Variants in ZNF804A observed in about 807,000 individuals in gnomAD.
ZNF804A encodes zinc finger protein 804A.
In ZNF804A, 2 loss-of-function variants were observed where a neutral mutation model predicts 16.5. The observed-to-expected ratio is 0.12, with a 90% CI of 0.05 to 0.38. The LOEUF is 0.38. Ranked by LOEUF, ZNF804A falls within the 10% of genes least tolerant of loss-of-function variation. ZNF804A has a pLI of 0.99. For synonymous variants in ZNF804A, 534 were observed against 489.6 expected, an observed-to-expected ratio of 1.09 and a Z score of -1.20; for missense variants, 1,473 against 1,390.7, an observed-to-expected ratio of 1.06 and a Z score of -0.94.
intron 1 of ZNF804A, among the ~76,000 whole-genome samples, chr2:184,744,064 A>C (rs1388230283): frequency 6.6e-6 from 1 of 151,794 alleles, no homozygotes; most frequent in Non-Finnish European, 1.5e-5. Flanking sequence ...TAAAATAACC[A>C]CTTGTTAATG....
In ZNF804A at chr2:184,865,706, CTG is replaced by C. The variant is rs571861431; in HGVS notation, c.112-660_112-659del. ...TTGGTTATATCACTGTCTTTATTTACTGTGAGTATGATGAAAACAATCTGCTT... is the reference window on the plus strand; with the variant it reads ...TTGGTTATATCACTGTCTTTATTTACTGAGTATGATGAAAACAATCTGCTT... On this transcript the variant is annotated intron_variant, in intron 1 of 3. Coordinates refer to ENST00000302277, the MANE Select transcript of ZNF804A (RefSeq NM_194250.2). Among the ~76,000 whole-genome samples the C allele has an allele frequency of 4.1e-3, 627 of 152,178 alleles. 18 individuals are homozygous for C. Among genetic ancestry groups the C allele is most frequent in the Non-Finnish European group, 9.0e-4 (61 of 67,978 alleles).
chr2:184,768,926 C>T (rs1694170054), intron 1 of ZNF804A, among the ~76,000 whole-genome samples: 1 of 151,840 alleles, frequency 6.6e-6, no homozygotes, highest in African/African-American at 2.4e-5. Context: ...TCTTAATCAC[C>T]CTCTTTTAAC....
intron 1 of ZNF804A, among the ~76,000 whole-genome samples, chr2:184,807,759 T>C (rs991152034): frequency 4.0e-5 from 6 of 151,686 alleles, no homozygotes; most frequent in African/African-American, 9.7e-5. Flanking sequence ...ATGTGTATTG[T>C]TTATAATTAA....
In ZNF804A at chr2:184,898,254, A is replaced by G. The variant is rs1685120535; in HGVS notation, c.255+31742A>G. 2.0e-5 allele frequency among the ~76,000 whole-genome samples: 3 copies of G among 152,112 alleles called. No individual in the cohort carries two copies. In the South Asian group the frequency reaches 6.2e-4, roughly 31 times the overall value. On this transcript the variant is annotated intron_variant, in intron 2 of 3. Coordinates refer to ENST00000302277, the MANE Select transcript of ZNF804A (RefSeq NM_194250.2). Reference sequence around the variant, plus strand: ...TTGTGATTCTATCTGCACATAAGTGAGTTATATTCTCATACTTTGTATAAA... The same window carrying G: ...TTGTGATTCTATCTGCACATAAGTGGGTTATATTCTCATACTTTGTATAAA...
chr2:184,801,724 C>G (rs138005664), intron 1 of ZNF804A, among the ~76,000 whole-genome samples: 1 of 152,152 alleles, frequency 6.6e-6, no homozygotes, highest in Non-Finnish European at 1.5e-5. Flanking sequence ...ACATTAACAA[C>G]GTAACAGCTA....
chr2:184,862,305 G>T (rs556620392), intron 1 of ZNF804A, among the ~76,000 whole-genome samples: 1 of 152,286 alleles, frequency 6.6e-6, no homozygotes. Context: ...GACTGATTTT[G>T]TCTACATACA....
At chr2:184,922,779 T>G (rs951489521) in intron 2 of ZNF804A, among the ~76,000 whole-genome samples, 2 of 152,140 alleles carry the variant, frequency 1.3e-5, no homozygotes, top group African/African-American at 4.8e-5. Flanking sequence ...CTTCTGCATA[T>G]GGATACCTAG....
intron 1 of ZNF804A, among the ~76,000 whole-genome samples, chr2:184,707,167 T>C (rs556274744): frequency 6.6e-6 from 1 of 152,280 alleles, no homozygotes; most frequent in South Asian, 2.1e-4. Context: ...AACTTTTTTT[T>C]TAGAATGGAG....
intron 2 of ZNF804A, among the ~76,000 whole-genome samples, chr2:184,924,378 G>C (rs1685576494): frequency 1.3e-5 from 2 of 151,558 alleles, no homozygotes; most frequent in South Asian, 4.1e-4. Flanking sequence ...GCCACTAATA[G>C]TCTTTTAAAT....
chr2:184,851,509 G>A (rs2105804262), intron 1 of ZNF804A, among the ~76,000 whole-genome samples: 1 of 151,970 alleles, frequency 6.6e-6, no homozygotes, highest in East Asian at 1.9e-4. Flanking sequence ...ATAAATGACA[G>A]GACTTTCTTC....
At chr2:184,810,618 G>T (rs55963267) in intron 1 of ZNF804A, among the ~76,000 whole-genome samples, 20,203 of 150,752 alleles carry the variant, frequency 0.13, 1,790 homozygotes, top group South Asian at 0.2. Flanking sequence ...AGCCTTCCGA[G>T]TAGCTGGGAC....
chr2:184,857,162 T>G (rs894727607), intron 1 of ZNF804A, among the ~76,000 whole-genome samples: 1 of 152,120 alleles, frequency 6.6e-6, no homozygotes, highest in Admixed American at 6.5e-5. Context: ...GTTTTGGTTT[T>G]ATTTTCCATT....
intron 1 of ZNF804A, among the ~76,000 whole-genome samples, chr2:184,708,954 G>A (rs1693081048): frequency 6.6e-6 from 1 of 151,930 alleles, no homozygotes; most frequent in African/African-American, 2.4e-5. Context: ...AAACTCCATT[G>A]AGCCTCCACG....
In ZNF804A at chr2:184,938,101, C is replaced by T; in HGVS notation, c.2705C>T (p.Thr902Ile). 1 of 1,614,134 alleles carries T rather than the reference C, an allele frequency of 6.2e-7. No homozygotes were observed. The highest frequency in any genetic ancestry group is 8.5e-7 in the Non-Finnish European group (1 of 1,180,018). Residue 902 changes from threonine (T) to isoleucine (I), a missense_variant, in exon 4 of 4, where the codon ACC becomes ATC. Coordinates refer to ENST00000302277, the MANE Select transcript of ZNF804A (RefSeq NM_194250.2). ...GAAACTGAGCATTTAGAAATGGAGACCACTTCTGGTGAATTGTCAGATGTT... is the reference window on the plus strand; with the variant it reads ...GAAACTGAGCATTTAGAAATGGAGATCACTTCTGGTGAATTGTCAGATGTT... ...NGETEHLEMETTSGELSDVSN... is the reference protein window; with the variant it reads ...NGETEHLEMEITSGELSDVSN...
intron 1 of ZNF804A, among the ~76,000 whole-genome samples, chr2:184,670,019 T>C (rs1692318481): frequency 1.3e-5 from 2 of 152,144 alleles, no homozygotes; most frequent in Non-Finnish European, 2.9e-5. Context: ...TATTTTTCAC[T>C]AAGTTTTTAA....
chr2:184,794,258 T>C, intron 1 of ZNF804A, among the ~76,000 whole-genome samples: 1 of 152,048 alleles, frequency 6.6e-6, no homozygotes, highest in East Asian at 1.9e-4. Flanking sequence ...TTTTATTATG[T>C]CCATCCTTAC....
At chr2:184,631,028 T>C (rs1691600745) in intron 1 of ZNF804A, among the ~76,000 whole-genome samples, 1 of 152,198 alleles carries the variant, frequency 6.6e-6, no homozygotes, top group African/African-American at 2.4e-5. Context: ...TATGTTGCTG[T>C]TGAACTAAAG....
intron 2 of ZNF804A, among the ~76,000 whole-genome samples, chr2:184,933,234 CAG>C (rs1177755615): frequency 6.6e-6 from 1 of 151,776 alleles, no homozygotes; most frequent in East Asian, 1.9e-4. Flanking sequence ...TTATATATAA[CAG>C]AAATACATAA....
chr2:184,647,479 A>G (rs1237876895), intron 1 of ZNF804A, among the ~76,000 whole-genome samples: 2 of 152,224 alleles, frequency 1.3e-5, no homozygotes, highest in Admixed American at 1.3e-4. Context: ...ACATGGTTGA[A>G]AATCAACACA....
Sources: gnomAD v4.1 joint callset for allele counts (sites outside exome capture counted in the v4.1 genomes callset) on GRCh38, gnomAD v4.1.1 for gene constraint, MANE v1.5 for transcripts, NCBI Gene and HGNC (gene_info 2026-07-23, HGNC 2026-07-21) for gene names.